The following MMEL1 variants were observed in gnomAD, a reference collection of about 807,000 sequenced individuals.
MMEL1 encodes the protein membrane metallo-endopeptidase-like 1.
In MMEL1, 98 loss-of-function variants were observed where a neutral mutation model predicts 117.1. The ratio of observed to expected loss-of-function variants is 0.84; its 90% confidence interval spans 0.71 to 0.99. The LOEUF is 0.99. MMEL1 is among the 50% of genes least tolerant of loss of function. The probability of loss-of-function intolerance (pLI) is 0.00; values close to 1 mark genes in which losing one functional copy is unlikely to be tolerated. For missense variants in MMEL1, 1,014 were observed against 1,049.1 expected (o/e 0.97, Z 0.46); for synonymous variants, 390 against 415.1 (o/e 0.94, Z 0.74).
At chr1:2,622,950 C>T (rs1212689072) in intron 2 of MMEL1, among the ~76,000 whole-genome samples, 1 of 149,060 alleles carries the variant, frequency 6.7e-6, no homozygotes, top group Non-Finnish European at 1.5e-5. Flanking sequence ...CTTTGGGAGG[C>T]CAAGGTCAAG....
rs1450422651 is a variant in MMEL1, at chr1:2,594,399, T to C, written c.1733A>G (p.Asn578Ser). The C allele has an allele frequency of 6.4e-7, 1 of 1,551,542 alleles. No individual in the cohort carries two copies. The highest frequency in any genetic ancestry group is 2.0e-5 in the Admixed American group (1 of 50,984). The change falls in exon 18 of 24, where the codon AAC (asparagine) becomes AGC (serine). Residue 578 changes from asparagine to serine, a missense_variant. Coordinates refer to ENST00000378412, the MANE Select transcript of MMEL1 (RefSeq NM_033467.4). ...AAVVNAFYSP[N>S]RNQIVFPAGI... ...GAGGAACTTACCAATCTGGTTTCGG[T>C]TTGGGGAGTAGAACGCATTGACCAC...
At chr1:2,593,770 G>A (rs773427308) in intron 19 of MMEL1, 44 bp downstream of exon 19, 18 of 1,533,254 alleles carry the variant, frequency 1.2e-5, no homozygotes, top group Admixed American at 7.7e-5. Flanking sequence ...CTGCTTCTCC[G>A]CGGAGAGGGG....
chr1:2,603,513 C>A lies in MMEL1; in HGVS notation c.1041+371G>T, dbSNP rs117981580. On this transcript the variant is annotated intron_variant, in intron 11 of 23. Transcript: ENST00000378412. Reference sequence around the variant, plus strand: ...GGGCAGGCAGGACTGGGAGGAAGCACCCTGCTAAGGTTCTGAGCGGGACTT... The same window carrying A: ...GGGCAGGCAGGACTGGGAGGAAGCAACCTGCTAAGGTTCTGAGCGGGACTT... Among the ~76,000 whole-genome samples, 105 of 152,250 alleles carry A rather than the reference C, an allele frequency of 6.9e-4. 2 individuals are homozygous for A. The East Asian group carries it at 0.019, about 28-fold the overall frequency.
chr1:2,594,835 G>T lies in MMEL1; in HGVS notation c.1643C>A (p.Ala548Asp). 1 of 1,614,010 alleles carries T rather than the reference G, an allele frequency of 6.2e-7. No homozygotes were observed. The highest frequency in any genetic ancestry group is 8.5e-7 in the Non-Finnish European group (1 of 1,180,022). Residue 548 changes from alanine to aspartate, a missense_variant, in exon 17 of 24, where the codon GCC becomes GAC. Physicochemically the swap from Ala to Asp is moderately radical, Grantham distance 126. Transcript: ENST00000378412. ...ENSLQNLKVG[A>D]QRSLRKLREK... ...CCGAAGCTTCCTGAGGCTCCGCTGG[G>T]CGCCCACCTTGAGGTTCTGCAGACT...
intron 6 of MMEL1, among the ~76,000 whole-genome samples, chr1:2,607,288 C>G (rs1212054666): frequency 6.6e-6 from 1 of 152,218 alleles, no homozygotes; most frequent in East Asian, 1.9e-4. Flanking sequence ...GAGGCTGAGA[C>G]TGGACACGGG....
rs1360276952 is a variant in MMEL1, at chr1:2,605,611, T to C, written c.763A>G (p.Thr255Ala). 6.2e-7 allele frequency: 1 copy of C among 1,612,242 alleles called. No individual in the cohort carries two copies. The highest frequency in any genetic ancestry group is 1.3e-5 in the African/African-American group (1 of 74,858). The part of the protein sequence containing the change: ...SRHIIYIDQP[T>A]LGMPSREYYF... ...TACTCTCGGGAGGGCATGCCCAAGG[T>C]GGGCTGGTCTATCTGGAAATACAGA... The change falls in exon 9 of 24, where the codon ACC becomes GCC. Residue 255 changes from threonine to alanine, a missense_variant. Transcript: ENST00000378412.
At chr1:2,597,853 C>T (rs1277742775) in intron 13 of MMEL1, among the ~76,000 whole-genome samples, 2 of 152,246 alleles carry the variant, frequency 1.3e-5, no homozygotes, top group Non-Finnish European at 2.9e-5. Flanking sequence ...GGTCCGGCCC[C>T]TGCCTGCTCC....
intron 5 of MMEL1, 91 bp downstream of exon 5, chr1:2,609,579 A>G: frequency 6.5e-7 from 1 of 1,545,962 alleles, no homozygotes; most frequent in Admixed American, 1.8e-5. Context: ...AGGAAGCACA[A>G]ACAGGGGCGA....
At chr1:2,609,514 G>A (rs1645092485) in intron 5 of MMEL1, 95 bp from the exon 6 acceptor site, 8 of 1,512,488 alleles carry the variant, frequency 5.3e-6, no homozygotes, top group South Asian at 2.3e-5. Flanking sequence ...GGCGAGAGGC[G>A]GCCCCCCAGC....
chr1:2,593,269 G>T (rs1644773031), intron 19 of MMEL1, among the ~76,000 whole-genome samples: 1 of 152,190 alleles, frequency 6.6e-6, no homozygotes, highest in African/African-American at 2.4e-5. Flanking sequence ...GCTCCTCCTG[G>T]GATGCCCAAA....
At position 2,596,061 on chromosome 1, in the gene MMEL1, A is replaced by G. The variant is rs1255113777; in HGVS notation, c.1448T>C (p.Leu483Pro). The change falls in exon 15 of 24, where the codon CTG becomes CCG. Residue 483 changes from leucine (L) to proline (P), a missense_variant. Leu to Pro is a moderately conservative substitution (Grantham distance 98). Transcript: ENST00000378412. ...CTCGTCCATCCAGCCCAGCTCGTCCAGCGTCTCCACAAACACTGTCCGCAC... is the reference window on the plus strand; with the variant it reads ...CTCGTCCATCCAGCCCAGCTCGTCCGGCGTCTCCACAAACACTGTCCGCAC... ...DKVRTVFVETLDELGWMDEES... is the reference protein window; with the variant it reads ...DKVRTVFVETPDELGWMDEES... 1.1e-5 allele frequency: 18 copies of G among 1,613,990 alleles called. No individual in the cohort carries two copies. Among genetic ancestry groups the G allele is most frequent in the Non-Finnish European group, 1.4e-5 (16 of 1,179,964 alleles).
chr1:2,612,301 G>T lies in MMEL1; in HGVS notation c.155-97C>A. On this transcript the variant is annotated intron_variant, in intron 2 of 23. Transcript: ENST00000378412. This position sits in a 1 kb window ranked among gnomAD's most constrained non-coding sequence, Gnocchi z 5.4. ...GGTCAGCACGCCATCTTCCCACAGT[G>T]CTGGGTGCTGCAGCCCTACCCCTGT... 2 of 1,001,090 alleles carry T rather than the reference G, an allele frequency of 2.0e-6. No homozygotes were observed. Among genetic ancestry groups the T allele is most frequent in the Non-Finnish European group, 3.0e-6 (2 of 659,940 alleles). The allele number at this position is 1,001,090 out of a possible 1,614,324, so 62.0% of individuals were successfully genotyped here. A position where few individuals can be genotyped will look rare whatever the true frequency, so the allele number is the denominator to read the frequency against.
Position 2,595,336 on chromosome 1 carries a change from G to C in MMEL1, c.1524C>G (p.Ile508Met), listed in dbSNP as rs754727791. Residue 508 changes from isoleucine (I) to methionine (M), a missense_variant, in exon 16 of 24, where the codon ATC (isoleucine) becomes ATG (methionine). By Grantham distance (10) the Ile-to-Met change is conservative (BLOSUM62 1). Transcript: ENST00000378412. This position sits in a 1 kb window ranked among gnomAD's most constrained non-coding sequence, Gnocchi z 4.8. ...CCTCCAGGATGTAGTCAGGGTGCCC[G>C]ATCTGCTCCCGGATGCTCATGGCCT... ...QEKAMSIREQIGHPDYILEEM... is the reference protein window; with the variant it reads ...QEKAMSIREQMGHPDYILEEM... 1 of 1,613,894 alleles carries C rather than the reference G, an allele frequency of 6.2e-7. No homozygotes were observed. The highest frequency in any genetic ancestry group is 8.5e-7 in the Non-Finnish European group (1 of 1,179,976).
At chr1:2,607,548 G>A (rs1264112440) in intron 6 of MMEL1, among the ~76,000 whole-genome samples, 2 of 152,074 alleles carry the variant, frequency 1.3e-5, no homozygotes, top group Non-Finnish European at 2.9e-5. Context: ...AGCACGGTGG[G>A]GCCCCGACAA....
chr1:2,624,925 CA>C lies in MMEL1; in HGVS notation c.154+4405del, dbSNP rs1645345945. ...GCAAGCACGTCTCACCATGGTGGAGCAGGGGAGAGAGAGAGCGCGAAGGGGG... is the reference window on the plus strand; with the variant it reads ...GCAAGCACGTCTCACCATGGTGGAGCGGGGAGAGAGAGAGCGCGAAGGGGG... On this transcript the variant is annotated intron_variant, in intron 2 of 23. Transcript: ENST00000378412. Among the ~76,000 whole-genome samples, 3 of 152,270 alleles carry C rather than the reference CA, an allele frequency of 2.0e-5. No individual in the cohort carries two copies. The South Asian group carries it at 6.2e-4, about 32-fold the overall frequency.
At chr1:2,624,690 C>A (rs1220470957) in intron 2 of MMEL1, among the ~76,000 whole-genome samples, 1 of 152,206 alleles carries the variant, frequency 6.6e-6, no homozygotes, top group African/African-American at 2.4e-5. Context: ...CTCTTACGTT[C>A]TTAACAGTGT....
Position 2,595,929 on chromosome 1 carries a change from C to CCTGTCTG in MMEL1, c.1500+79_1500+80insCAGACAG. 7.9e-7 allele frequency: 1 copy of CCTGTCTG among 1,266,804 alleles called. No homozygotes were observed. The highest frequency in any genetic ancestry group is 1.5e-5 in the African/African-American group (1 of 68,162). The allele number at this position is 1,266,804 out of a possible 1,614,324, so 78.5% of individuals were successfully genotyped here. On this transcript the variant is annotated intron_variant, in intron 15 of 23. Coordinates refer to ENST00000378412, the MANE Select transcript of MMEL1 (RefSeq NM_033467.4). The surrounding 1 kb of genome is among the most constrained non-coding windows in gnomAD (Gnocchi z 4.8). ...CGGGGCTGCCTTCTCCCCGTGGGGA[C>CCTGTCTG]CGTCAGGAGGCTTTGTCGGGGCGGT... is the stretch of plus-strand genomic sequence containing the variant.
chr1:2,598,933 G>A (rs1644889551), intron 11 of MMEL1, 143 bp from the exon 12 acceptor site: 2 of 690,852 alleles, frequency 2.9e-6, no homozygotes, highest in South Asian at 2.2e-5. Context: ...GAAAGGGTGG[G>A]TGACATTATT....
At chr1:2,617,330 G>A (rs1557551258) in intron 2 of MMEL1, among the ~76,000 whole-genome samples, 2 of 151,446 alleles carry the variant, frequency 1.3e-5, no homozygotes, top group Admixed American at 6.6e-5. Flanking sequence ...GGGAGGCTGA[G>A]GCAGGAGAAT....
Sources: allele counts gnomAD v4.1 joint callset (sites outside exome capture counted in the v4.1 genomes callset), GRCh38; gene constraint gnomAD v4.1.1; non-coding constraint Gnocchi (gnomAD v3.1); transcripts MANE v1.5; gene names NCBI Gene and HGNC (gene_info 2026-07-23, HGNC 2026-07-21).